The following TLE1 variants were observed in gnomAD, a reference collection of about 807,000 sequenced individuals.
The protein encoded by TLE1 is TLE family member 1, transcriptional corepressor.
Under a neutral mutation model 89.8 loss-of-function variants are expected in TLE1, and 21 were observed. The ratio of observed to expected loss-of-function variants is 0.23; its 90% CI spans 0.17 to 0.34. TLE1 has a LOEUF of 0.34. TLE1 is among the 10% of genes least tolerant of loss of function. The probability of loss-of-function intolerance (pLI) is 1.00; values close to 1 mark genes in which losing one functional copy is unlikely to be tolerated. For synonymous variants in TLE1, 447 were observed against 407.6 expected (o/e 1.10, Z -1.16); for missense variants, 795 against 1,031.2 (o/e 0.77, Z 3.14).
rs142213189 is a variant in TLE1, at chr9:81,634,250, G to T, written c.424C>A (p.Pro142Thr). 6.4e-7 allele frequency: 1 copy of T among 1,572,422 alleles called. No individual in the cohort carries two copies. Among genetic ancestry groups the T allele is most frequent in the Non-Finnish European group, 8.7e-7 (1 of 1,155,074 alleles). ...HLSHGHGPPV[P>T]LTPHPSGLQP... ...AGTCCCGAAGGGTGAGGCGTAAGGG[G>T]AACTGGGGGTCCGTGGCCATGAGAA... The change falls in exon 7 of 20, where the codon CCC (proline) becomes ACC (threonine). Residue 142 changes from proline (P) to threonine (T), a missense_variant. This residue lies in a region of TLE1 where 468 missense variants were observed against 509.1 expected (regional missense o/e 0.92). Transcript: ENST00000376499.
In TLE1 at chr9:81,688,648, A is replaced by C; in HGVS notation, c.-408T>G. 52 of 180,846 alleles carry C rather than the reference A, an allele frequency of 2.9e-4. No individual in the cohort carries two copies. The highest frequency in any genetic ancestry group is 5.6e-4 in the East Asian group (4 of 7,176). The allele number at this position is 180,846 out of a possible 1,614,324, so 11.2% of individuals were successfully genotyped here. On this transcript the variant is annotated 5_prime_UTR_variant, in exon 1 of 20. Coordinates refer to ENST00000376499, the MANE Select transcript of TLE1 (RefSeq NM_005077.5). ...CGCGGCGCCAGTCCTGGGCAAACAA[A>C]TCCAGACGGACTGCTTTTCTTTGCT...
chr9:81,686,738 G>A (rs11139367), intron 2 of TLE1, among the ~76,000 whole-genome samples: 18,506 of 152,170 alleles, frequency 0.12, 1,754 homozygotes, highest in East Asian at 0.49. Context: ...ATTACTTGAA[G>A]AAACTAAGGC....
intron 4 of TLE1, among the ~76,000 whole-genome samples, chr9:81,678,081 A>G (rs1436349208): frequency 2.0e-5 from 3 of 152,208 alleles, no homozygotes; most frequent in South Asian, 4.1e-4. Flanking sequence ...AAATACTACT[A>G]TAAGAAAAAC....
intron 14 of TLE1, chr9:81,600,104 A>G: frequency 1.3e-6 from 1 of 746,496 alleles, no homozygotes; most frequent in Non-Finnish European, 2.5e-6. Context: ...GTGCTGGGGC[A>G]GGAACAAGGC....
At chr9:81,654,246 A>G (rs1415522642) in intron 4 of TLE1, among the ~76,000 whole-genome samples, 1 of 152,188 alleles carries the variant, frequency 6.6e-6, no homozygotes, top group Non-Finnish European at 1.5e-5. Context: ...TGCACACTTC[A>G]TTGTAATAAG....
At chr9:81,585,480 CCA>C (rs1410680397) in intron 18 of TLE1, 23 bp downstream of exon 18, 7 of 1,601,014 alleles carry the variant, frequency 4.4e-6, no homozygotes, top group Non-Finnish European at 4.3e-6. Context: ...TCAACGGCCT[CCA>C]GTTTCCTTTC....
At chr9:81,673,909 G>A (rs1273260789) in intron 4 of TLE1, among the ~76,000 whole-genome samples, 1 of 152,160 alleles carries the variant, frequency 6.6e-6, no homozygotes, top group East Asian at 1.9e-4. Flanking sequence ...ATGGGGCCTG[G>A]ATGCCCTTTC....
intron 1 of TLE1, among the ~76,000 whole-genome samples, chr9:81,687,916 C>T (rs1293169369): frequency 6.6e-6 from 1 of 152,048 alleles, no homozygotes; most frequent in African/African-American, 2.4e-5. Flanking sequence ...GGGGGGGCGC[C>T]CTGCCCCCAC....
At position 81,629,839 on chromosome 9, in the gene TLE1, C is replaced by T. The variant is rs183989659; in HGVS notation, c.594+3509G>A. Among the ~76,000 whole-genome samples the T allele has an allele frequency of 5.0e-3, 761 of 152,298 alleles. 6 individuals carry two copies. The highest frequency in any genetic ancestry group is 0.017 in the African/African-American group (725 of 41,556). The stretch of plus-strand genomic sequence containing the variant: ...TGTTATACACTTAGGGGACCACCAT[C>T]ATATATGCAATCCACTGTTGATGGA... On this transcript the variant is annotated intron_variant, in intron 8 of 19. Coordinates refer to ENST00000376499, the MANE Select transcript of TLE1 (RefSeq NM_005077.5).
At chr9:81,589,364 T>C (rs1829113716) in intron 16 of TLE1, among the ~76,000 whole-genome samples, 1 of 152,182 alleles carries the variant, frequency 6.6e-6, no homozygotes, top group African/African-American at 2.4e-5. Flanking sequence ...GCACATCCTA[T>C]GACTGTTCAG....
chr9:81,659,309 A>G (rs987162993), intron 4 of TLE1, among the ~76,000 whole-genome samples: 1 of 152,226 alleles, frequency 6.6e-6, no homozygotes, highest in Non-Finnish European at 1.5e-5. Flanking sequence ...TGCAAAGGCT[A>G]GACAACTCCA....
At chr9:81,600,749 G>C (rs1418407858) in intron 14 of TLE1, among the ~76,000 whole-genome samples, 2 of 152,018 alleles carry the variant, frequency 1.3e-5, no homozygotes, top group African/African-American at 4.8e-5. Context: ...GTGTGCCTCT[G>C]AGGCTGTTTC....
chr9:81,642,963 C>T lies in TLE1; in HGVS notation c.373-8662G>A, dbSNP rs1002971778. ...CAGATGTGCAGAACAGTAGGCTAAGCGAAATAAGCAGATTCAGAAAGACAA... is the reference window on the plus strand; with the variant it reads ...CAGATGTGCAGAACAGTAGGCTAAGTGAAATAAGCAGATTCAGAAAGACAA... On this transcript the variant is annotated intron_variant, in intron 6 of 19. Coordinates refer to ENST00000376499, the MANE Select transcript of TLE1 (RefSeq NM_005077.5). Among the ~76,000 whole-genome samples, 24 of 152,218 alleles carry T rather than the reference C, an allele frequency of 1.6e-4. 1 individual carries two copies. In the Middle Eastern group the frequency reaches 0.01, roughly 65 times the overall value.
intron 8 of TLE1, among the ~76,000 whole-genome samples, chr9:81,622,881 C>A (rs1825451569): frequency 6.6e-6 from 1 of 152,146 alleles, no homozygotes. Flanking sequence ...CCCAGGGATC[C>A]CTGGCCCACG....
chr9:81,598,598 C>T (rs914548910), intron 14 of TLE1, among the ~76,000 whole-genome samples: 1 of 152,054 alleles, frequency 6.6e-6, no homozygotes, highest in African/African-American at 2.4e-5. Flanking sequence ...AAAAGTTGCC[C>T]TGGTAAGGAA....
chr9:81,661,188 TTA>T (rs1306614516), intron 4 of TLE1, among the ~76,000 whole-genome samples: 5 of 98,968 alleles, frequency 5.1e-5, no homozygotes, highest in South Asian at 3.8e-4. Context: ...ATATGTATTT[TTA>T]TATATATATG....
intron 4 of TLE1, among the ~76,000 whole-genome samples, chr9:81,666,863 T>C (rs1172779936): frequency 1.3e-5 from 2 of 151,950 alleles, no homozygotes; most frequent in Non-Finnish European, 2.9e-5. Flanking sequence ...CTGGCTCACA[T>C]CTATCAGCAC....
intron 6 of TLE1, among the ~76,000 whole-genome samples, chr9:81,636,511 C>T (rs1234580106): frequency 1.3e-5 from 2 of 151,886 alleles, no homozygotes; most frequent in Non-Finnish European, 2.9e-5. Flanking sequence ...TTAAGCACGG[C>T]ACTAATTAAA....
In TLE1 at chr9:81,660,333, G is replaced by A. The variant is rs558911386; in HGVS notation, c.235-6297C>T. Among the ~76,000 whole-genome samples, 7 of 143,742 alleles carry A rather than the reference G, an allele frequency of 4.9e-5. No homozygotes were observed. The South Asian group carries it at 1.5e-3, about 31-fold the overall frequency. The allele number at this position is 143,742 out of a possible 152,430, so 94.3% of individuals were successfully genotyped here. A position where few individuals can be genotyped will look rare whatever the true frequency, so the allele number is the denominator to read the frequency against. ...CATTACTAAACAGTGCTAGACAAAG[G>A]CTGTTCACAAAAAAAAAAAAACAAA... is the stretch of plus-strand genomic sequence containing the variant. On this transcript the variant is annotated intron_variant, in intron 4 of 19. Transcript: ENST00000376499.
Sources: gnomAD v4.1 joint callset for allele counts (sites outside exome capture counted in the v4.1 genomes callset) on GRCh38, gnomAD v4.1.1 for gene constraint, gnomAD v4.1.1 regional missense constraint, MANE v1.5 for transcripts, NCBI Gene and HGNC (gene_info 2026-07-23, HGNC 2026-07-21) for gene names.